MED12L: variants seen among roughly 807,000 people sequenced by gnomAD.
MED12L encodes the protein mediator of RNA polymerase II transcription subunit 12-like protein.
A neutral mutation model predicts 281.3 loss-of-function variants in MED12L; 60 were observed. The ratio of observed to expected loss-of-function variants is 0.21; its 90% CI spans 0.17 to 0.26. The LOEUF (loss-of-function observed/expected upper bound fraction) is 0.26. MED12L is among the 10% of genes least tolerant of loss of function. MED12L has a pLI of 1.00. For synonymous variants in MED12L, 974 were observed against 987.2 expected, an observed-to-expected ratio of 0.99 and a Z score of 0.25; for missense variants, 2,146 against 2,680.9, an observed-to-expected ratio of 0.80 and a Z score of 4.41.
At chr3:151,334,188 C>CTTCCTTT (rs1750674429) in intron 16 of MED12L, among the ~76,000 whole-genome samples, 3 of 30,304 alleles carry the variant, frequency 9.9e-5, no homozygotes, top group African/African-American at 6.3e-4. Context: ...TTTTTTCTTT[C>CTTCCTTT]TTTCTTTCTT....
chr3:151,225,907 T>C (rs1730397313), intron 16 of MED12L, among the ~76,000 whole-genome samples: 2 of 152,344 alleles, frequency 1.3e-5, no homozygotes, highest in East Asian at 3.9e-4. Flanking sequence ...GATTTCCCCT[T>C]GTTGAAATCT....
chr3:151,401,519 C>A (rs1386263409), intron 39 of MED12L, among the ~76,000 whole-genome samples: 5 of 152,076 alleles, frequency 3.3e-5, no homozygotes, highest in Non-Finnish European at 7.4e-5. Flanking sequence ...TATATTATGA[C>A]ATCTTAATTT....
chr3:151,328,647 T>G (rs1363166676), intron 16 of MED12L: 1 of 1,613,864 alleles, frequency 6.2e-7, no homozygotes, highest in Non-Finnish European at 8.5e-7. Flanking sequence ...TCAAAGGCTA[T>G]GAGCCCTAAC....
At position 151,242,618 on chromosome 3, in the gene MED12L, C is replaced by T. The variant is rs1345364093; in HGVS notation, c.2250+48952C>T. 9.8e-5 allele frequency among the ~76,000 whole-genome samples: 15 copies of T among 152,332 alleles called. No individual in the cohort carries two copies. In the East Asian group the frequency reaches 2.5e-3, roughly 25 times the overall value. On this transcript the variant is annotated intron_variant, in intron 16 of 44. Coordinates refer to ENST00000687756, the MANE Select transcript of MED12L (RefSeq NM_001393769.1). ...CATCCACACCAAAAACCCATCTGTA[C>T]ATCACCATCATCAAAGACCAAAAGT...
intron 16 of MED12L, among the ~76,000 whole-genome samples, chr3:151,235,715 A>G (rs1165002723): frequency 4.0e-5 from 6 of 151,372 alleles, no homozygotes; most frequent in African/African-American, 1.5e-4. Flanking sequence ...AAATAAATAA[A>G]TAAATAAGTA....
intron 16 of MED12L, among the ~76,000 whole-genome samples, chr3:151,254,705 T>G: frequency 6.6e-6 from 1 of 152,242 alleles, no homozygotes; most frequent in East Asian, 1.9e-4. Context: ...TAGATGCTTC[T>G]TAGCATTACA....
intron 39 of MED12L, among the ~76,000 whole-genome samples, chr3:151,408,488 A>C (rs2108339600): frequency 6.6e-6 from 1 of 152,348 alleles, no homozygotes; most frequent in Admixed American, 6.5e-5. Flanking sequence ...TGAAAAAAAA[A>C]CAGAGTGGTA....
chr3:151,329,386 G>A (rs1309655390), intron 16 of MED12L: 2 of 709,466 alleles, frequency 2.8e-6, no homozygotes, highest in African/African-American at 3.6e-5. Context: ...ATAAACTATG[G>A]TTTGTAGAAT....
chr3:151,280,385 A>C (rs1161028272), intron 16 of MED12L, among the ~76,000 whole-genome samples: 1 of 152,182 alleles, frequency 6.6e-6, no homozygotes, highest in Non-Finnish European at 1.5e-5. Flanking sequence ...TCCATGAGTA[A>C]AGTAGGTCTG....
intron 4 of MED12L, among the ~76,000 whole-genome samples, chr3:151,125,883 G>A (rs1405222200): frequency 2.6e-5 from 4 of 152,088 alleles, no homozygotes; most frequent in African/African-American, 4.8e-5. Flanking sequence ...GCCTTCTAGC[G>A]TTGGCCTATA....
intron 16 of MED12L, among the ~76,000 whole-genome samples, chr3:151,257,815 T>C (rs895184336): frequency 6.6e-6 from 1 of 152,242 alleles, no homozygotes; most frequent in African/African-American, 2.4e-5. Flanking sequence ...TCAAGTGTCA[T>C]GTGGACCACT....
intron 16 of MED12L, among the ~76,000 whole-genome samples, chr3:151,267,032 G>A (rs538074379): frequency 3.3e-5 from 5 of 152,330 alleles, no homozygotes; most frequent in African/African-American, 1.2e-4. Flanking sequence ...ATACTGTAAA[G>A]TACAAAAGAC....
intron 32 of MED12L, among the ~76,000 whole-genome samples, chr3:151,381,196 A>T (rs1169966814): frequency 6.6e-6 from 1 of 152,152 alleles, no homozygotes; most frequent in Admixed American, 6.5e-5. Context: ...TTCTTGTGGC[A>T]CTGTGTTTCT....
chr3:151,309,133 A>ACG (rs1351726100), intron 16 of MED12L, among the ~76,000 whole-genome samples: 2 of 132,326 alleles, frequency 1.5e-5, no homozygotes, highest in Non-Finnish European at 3.1e-5. Context: ...ACACACACAC[A>ACG]CACACACGCA....
At chr3:151,338,236 T>A in intron 16 of MED12L, 1 of 1,614,086 alleles carries the variant, frequency 6.2e-7, no homozygotes. Flanking sequence ...ACAATAACAA[T>A]TAAGAAATTA....
intron 11 of MED12L, among the ~76,000 whole-genome samples, chr3:151,179,675 G>A (rs747747077): frequency 6.6e-6 from 1 of 152,160 alleles, no homozygotes; most frequent in Non-Finnish European, 1.5e-5. Context: ...TAGGACTTGG[G>A]ATTTACTGCT....
rs141782471 is a variant in MED12L at position 151,141,893 on chromosome 3, A to T, written c.556+13909A>T. ...CCATTGCTACTCAACAGTTTTTTCT[A>T]GTCAGTCCTAGTAAATGTTCACTCC... On this transcript the variant is annotated intron_variant, in intron 5 of 44. Transcript: ENST00000687756. Among the ~76,000 whole-genome samples, 224 of 152,288 alleles carry T rather than the reference A, an allele frequency of 1.5e-3. 1 individual carries two copies. The East Asian group carries it at 0.027, about 18-fold the overall frequency.
At chr3:151,134,188 G>GT (rs3069372) in intron 5 of MED12L, among the ~76,000 whole-genome samples, 387 of 129,174 alleles carry the variant, frequency 3.0e-3, no homozygotes, top group Admixed American at 5.4e-3. Flanking sequence ...TTGTGGGGTT[G>GT]TTTTTTTTTT....
intron 2 of MED12L, among the ~76,000 whole-genome samples, chr3:151,107,072 TTTG>T (rs896797320): frequency 4.8e-5 from 7 of 147,236 alleles, no homozygotes; most frequent in Non-Finnish European, 7.4e-5. Context: ...CATTTTACTA[TTTG>T]TTTTCTGTGT....
Sources: allele counts gnomAD v4.1 joint callset (sites outside exome capture counted in the v4.1 genomes callset), GRCh38; gene constraint gnomAD v4.1.1; transcripts MANE v1.5; gene names NCBI Gene and HGNC (gene_info 2026-07-23, HGNC 2026-07-21).